The following EXTL3 variants were observed in gnomAD, a reference collection of about 807,000 sequenced individuals.
EXTL3 encodes the protein exostosin-like 3.
Under a neutral mutation model 69.3 loss-of-function variants are expected in EXTL3, and 27 were observed. The ratio of observed to expected loss-of-function variants is 0.39; its 90% CI spans 0.29 to 0.54. The LOEUF (loss-of-function observed/expected upper bound fraction) is 0.54. Ranked by LOEUF, EXTL3 falls within the 20% of genes least tolerant of loss-of-function variation. The probability of loss-of-function intolerance (pLI) is 0.69; values close to 1 mark genes in which losing one functional copy is unlikely to be tolerated. For synonymous variants in EXTL3, 511 were observed against 499.4 expected, an observed-to-expected ratio of 1.02 and a Z score of -0.31; for missense variants, 1,003 against 1,231.8, an observed-to-expected ratio of 0.81 and a Z score of 2.78.
chr8:28,686,084 T>G (rs1807572558), intron 1 of EXTL3: 1 of 152,188 alleles, frequency 6.6e-6, no homozygotes, highest in South Asian at 2.1e-4. Flanking sequence ...CAGGTTGGTC[T>G]CTAACTCCTG....
At chr8:28,607,985 CTGT>C (rs1806220352) in intron 2 of EXTL3, among the ~76,000 whole-genome samples, 2 of 151,844 alleles carry the variant, frequency 1.3e-5, no homozygotes, top group Non-Finnish European at 2.9e-5. Context: ...TGGTGGGCGC[CTGT>C]AGTCCCAGCT....
chr8:28,692,816 T>G (rs1800633816), intron 1 of EXTL3, among the ~76,000 whole-genome samples: 1 of 152,206 alleles, frequency 6.6e-6, no homozygotes, highest in African/African-American at 2.4e-5. Flanking sequence ...AGGACAATTC[T>G]AGAGTCATTG....
Sources: gnomAD v4.1 joint callset for allele counts (sites outside exome capture counted in the v4.1 genomes callset) on GRCh38, gnomAD v4.1.1 for gene constraint, MANE v1.5 for transcripts, NCBI Gene and HGNC (gene_info 2026-07-23, HGNC 2026-07-21) for gene names.